Variants in ZBTB8A observed in about 807,000 individuals in gnomAD.
ZBTB8A encodes the protein zinc finger and BTB domain-containing protein 8A.
Under a neutral mutation model 37.8 loss-of-function variants are expected in ZBTB8A, and 19 were observed. The observed-to-expected ratio is 0.50, with a 90% CI of 0.35 to 0.74. The LOEUF (loss-of-function observed/expected upper bound fraction) is 0.74. Among genes scored for constraint, ZBTB8A ranks in the 30% least tolerant of loss-of-function variants. The pLI is 0.01. For synonymous variants in ZBTB8A, 181 were observed against 185.2 expected (o/e 0.98, Z 0.19); for missense variants, 394 against 537.8 (o/e 0.73, Z 2.65).
At chr1:32,584,630 G>C (rs1644432932) in intron 2 of ZBTB8A, among the ~76,000 whole-genome samples, 1 of 150,966 alleles carries the variant, frequency 6.6e-6, no homozygotes, top group Middle Eastern at 3.4e-3. Context: ...TGCCACCTCA[G>C]CATCCCATGT....
intron 2 of ZBTB8A, among the ~76,000 whole-genome samples, chr1:32,588,908 C>T (rs948673405): frequency 1.3e-5 from 2 of 151,730 alleles, no homozygotes; most frequent in Non-Finnish European, 2.9e-5. Context: ...CTCTTGAACC[C>T]GGGAGGCAGA....
rs1258406769 is a variant in ZBTB8A at position 32,603,783 on chromosome 1, C to T, written c.*3364C>T. 1 of 152,566 alleles carries T rather than the reference C, an allele frequency of 6.6e-6. No homozygotes were observed. Among genetic ancestry groups the T allele is most frequent in the Non-Finnish European group, 1.5e-5 (1 of 68,034 alleles). The allele number at this position is 152,566 out of a possible 1,614,324, so 9.5% of individuals were successfully genotyped here. ...AATGCTTTCTCATAATTGTTTATAA[C>T]GAGCATCAAACTATCCCCACAAAAT... On this transcript the variant is annotated 3_prime_UTR_variant, in exon 5 of 5. Coordinates refer to ENST00000373510, the MANE Select transcript of ZBTB8A (RefSeq NM_001040441.3).
intron 2 of ZBTB8A, among the ~76,000 whole-genome samples, chr1:32,588,549 A>G (rs1275750011): frequency 2.0e-5 from 3 of 152,064 alleles, no homozygotes; most frequent in Admixed American, 2.0e-4. Flanking sequence ...CCGGTGAGGT[A>G]GGAGAGCCAT....
rs969871355 is a variant in ZBTB8A at position 32,602,118 on chromosome 1, C to G, written c.*1699C>G. On this transcript the variant is annotated 3_prime_UTR_variant, in exon 5 of 5. Coordinates refer to ENST00000373510, the MANE Select transcript of ZBTB8A (RefSeq NM_001040441.3). ...GCTGAGGCAGGTGGATCACCGAGGT[C>G]GGGAGTTTGAGACCAGCCTGACCAA... 6.6e-6 allele frequency: 1 copy of G among 152,238 alleles called. No homozygotes were observed. The highest frequency in any genetic ancestry group is 2.1e-4 in the South Asian group (1 of 4,826). The allele number at this position is 152,238 out of a possible 1,614,324, so 9.4% of individuals were successfully genotyped here.
chr1:32,579,375 C>A (rs368145471), intron 2 of ZBTB8A, among the ~76,000 whole-genome samples: 1 of 150,878 alleles, frequency 6.6e-6, no homozygotes, highest in Non-Finnish European at 1.5e-5. Context: ...CACTTCAACC[C>A]GGGAGGCGGA....
chr1:32,569,848 C>G (rs1362149457), intron 2 of ZBTB8A, among the ~76,000 whole-genome samples: 1 of 151,198 alleles, frequency 6.6e-6, no homozygotes, highest in African/African-American at 2.4e-5. Context: ...CTCTTGAACT[C>G]CTGGTCTCAA....
chr1:32,595,575 GT>G (rs774985098), intron 4 of ZBTB8A, among the ~76,000 whole-genome samples: 21 of 129,410 alleles, frequency 1.6e-4, no homozygotes, highest in South Asian at 2.5e-4. Flanking sequence ...GCCTTGTTTT[GT>G]TTTTTTTTTT....
intron 1 of ZBTB8A, among the ~76,000 whole-genome samples, chr1:32,545,952 C>T (rs1644100366): frequency 6.6e-6 from 1 of 152,126 alleles, no homozygotes. Context: ...AGTCTCTTCT[C>T]TTCCTGTCTC....
At chr1:32,544,956 T>C (rs1281775448) in intron 1 of ZBTB8A, among the ~76,000 whole-genome samples, 1 of 152,250 alleles carries the variant, frequency 6.6e-6, no homozygotes, top group Admixed American at 6.5e-5. Flanking sequence ...AATGCTATTA[T>C]AAACATTCGT....
intron 2 of ZBTB8A, among the ~76,000 whole-genome samples, chr1:32,567,296 G>A (rs1011456231): frequency 5.3e-5 from 8 of 152,086 alleles, no homozygotes; most frequent in East Asian, 1.9e-4. Flanking sequence ...AAATCCGCCC[G>A]CATGATCCAG....
chr1:32,585,036 T>TC (rs1435846222), intron 2 of ZBTB8A, among the ~76,000 whole-genome samples: 1 of 147,570 alleles, frequency 6.8e-6, no homozygotes, highest in Non-Finnish European at 1.5e-5. Flanking sequence ...TCTTTTTTTT[T>TC]TTTTTTTTTT....
intron 2 of ZBTB8A, among the ~76,000 whole-genome samples, chr1:32,582,866 C>T (rs754633309): frequency 4.6e-5 from 7 of 152,122 alleles, no homozygotes; most frequent in Non-Finnish European, 8.8e-5. Flanking sequence ...AATGTCCAAT[C>T]CCTAGCTAAG....
chr1:32,558,852 C>T (rs1439221670), intron 2 of ZBTB8A, among the ~76,000 whole-genome samples: 1 of 151,990 alleles, frequency 6.6e-6, no homozygotes, highest in Non-Finnish European at 1.5e-5. Context: ...ATTATAACAG[C>T]GGTTCATATA....
chr1:32,547,828 C>CAAAAAAAAAAAAA (rs1194254576), intron 1 of ZBTB8A, among the ~76,000 whole-genome samples: 2 of 30,478 alleles, frequency 6.6e-5, no homozygotes, highest in Non-Finnish European at 1.2e-4. Flanking sequence ...ACAAACAAAG[C>CAAAAAAAAAAAAA]AAAAAAAAAA....
At chr1:32,586,372 A>G (rs1644449575) in intron 2 of ZBTB8A, among the ~76,000 whole-genome samples, 1 of 152,162 alleles carries the variant, frequency 6.6e-6, no homozygotes, top group African/African-American at 2.4e-5. Context: ...TCATTCATTC[A>G]ACAGCATTAA....
intron 2 of ZBTB8A, among the ~76,000 whole-genome samples, chr1:32,574,539 G>A (rs981237509): frequency 1.2e-4 from 18 of 152,268 alleles, no homozygotes; most frequent in Admixed American, 3.3e-4. Context: ...TGAGGTTATA[G>A]TGAGCTATGA....
chr1:32,582,951 T>G (rs540404097), intron 2 of ZBTB8A, among the ~76,000 whole-genome samples: 1 of 152,340 alleles, frequency 6.6e-6, no homozygotes, highest in East Asian at 1.9e-4. Context: ...GAACCTGGCC[T>G]ATATATTAAA....
intron 1 of ZBTB8A, among the ~76,000 whole-genome samples, chr1:32,548,873 GT>G (rs1644127805): frequency 6.6e-6 from 1 of 152,094 alleles, no homozygotes; most frequent in Non-Finnish European, 1.5e-5. Context: ...CCCTGTATTA[GT>G]CCATGCTCTC....
chr1:32,543,355 G>C (rs953817256), intron 1 of ZBTB8A, among the ~76,000 whole-genome samples: 2 of 152,158 alleles, frequency 1.3e-5, no homozygotes, highest in African/African-American at 4.8e-5. Flanking sequence ...AAAGTGCTGG[G>C]ATTACAGGTG....
Sources: allele counts gnomAD v4.1 joint callset (sites outside exome capture counted in the v4.1 genomes callset), GRCh38; gene constraint gnomAD v4.1.1; transcripts MANE v1.5; gene names NCBI Gene and HGNC (gene_info 2026-07-23, HGNC 2026-07-21).